GRIA1: variants seen among roughly 807,000 people sequenced by gnomAD.
The protein encoded by GRIA1 is glutamate receptor 1.
In GRIA1, 31 loss-of-function variants were observed where a neutral mutation model predicts 99.2. The ratio of observed to expected loss-of-function variants is 0.31; its 90% CI spans 0.23 to 0.42. The LOEUF (loss-of-function observed/expected upper bound fraction) is 0.42, where lower values mean the gene tolerates loss of function less well. GRIA1 is among the 10% of genes least tolerant of loss of function. The pLI is 1.00. For missense variants in GRIA1, 782 were observed against 1,157.5 expected (o/e 0.68, Z 4.71); for synonymous variants, 438 against 432.4 (o/e 1.01, Z -0.16).
intron 13 of GRIA1, among the ~76,000 whole-genome samples, chr5:153,776,052 C>T (rs2149628071): frequency 6.6e-6 from 1 of 152,140 alleles, no homozygotes; most frequent in East Asian, 1.9e-4. Flanking sequence ...GTAGGAGCCA[C>T]TGAAAGTCAT....
At chr5:153,741,447 T>G (rs940038032) in intron 11 of GRIA1, among the ~76,000 whole-genome samples, 1 of 152,216 alleles carries the variant, frequency 6.6e-6, no homozygotes, top group Non-Finnish European at 1.5e-5. Context: ...GAATATATAT[T>G]AGCACTCTCA....
chr5:153,614,569 C>G (rs888408322), intron 2 of GRIA1, among the ~76,000 whole-genome samples: 17 of 152,260 alleles, frequency 1.1e-4, no homozygotes, highest in African/African-American at 3.9e-4. Context: ...TGTTTGTAAC[C>G]CAGGCATTGA....
chr5:153,760,792 AAC>A lies in GRIA1; in HGVS notation c.1824-3641_1824-3640del, dbSNP rs539621107. ...TCAAAATAGTCTACAAAGCTATAGT[AAC>A]CAAAACAGGATGGTACTGGCATTAA... On this transcript the variant is annotated intron_variant, in intron 11 of 15. Coordinates refer to ENST00000285900, the MANE Select transcript of GRIA1 (RefSeq NM_000827.4). 5.3e-5 allele frequency among the ~76,000 whole-genome samples: 8 copies of A among 152,320 alleles called. No individual in the cohort carries two copies. In the East Asian group the frequency reaches 1.5e-3, roughly 29 times the overall value.
At chr5:153,489,834 C>T (rs1157717846), upstream of GRIA1, 1 of 456,508 alleles carries the variant, frequency 2.2e-6, no homozygotes, top group Non-Finnish European at 4.4e-6. Flanking sequence ...TGTAATTGCT[C>T]TGTGTAAGTA....
At chr5:153,543,913 G>A (rs1214363296) in intron 2 of GRIA1, among the ~76,000 whole-genome samples, 1 of 151,752 alleles carries the variant, frequency 6.6e-6, no homozygotes, top group Non-Finnish European at 1.5e-5. Context: ...AATGCCAGGT[G>A]AAATATATAG....
At chr5:153,563,489 TAGA>T (rs1761338378) in intron 2 of GRIA1, among the ~76,000 whole-genome samples, 1 of 152,214 alleles carries the variant, frequency 6.6e-6, no homozygotes, top group Admixed American at 6.5e-5. Context: ...GGATGGAAGA[TAGA>T]AGGAGGAACT....
At chr5:153,609,763 A>C (rs1994860) in intron 2 of GRIA1, among the ~76,000 whole-genome samples, 1 of 151,490 alleles carries the variant, frequency 6.6e-6, no homozygotes, top group Non-Finnish European at 1.5e-5. Context: ...AGGTTTCACC[A>C]TGTTAGCCAG....
At chr5:153,561,807 G>A (rs762224035) in intron 2 of GRIA1, among the ~76,000 whole-genome samples, 1 of 152,150 alleles carries the variant, frequency 6.6e-6, no homozygotes, top group Non-Finnish European at 1.5e-5. Flanking sequence ...TGGTTCAAAG[G>A]AGGGGGCAAT....
At chr5:153,504,279 A>G (rs1456099460) in intron 2 of GRIA1, among the ~76,000 whole-genome samples, 1 of 151,954 alleles carries the variant, frequency 6.6e-6, no homozygotes, top group Non-Finnish European at 1.5e-5. Context: ...GGATGCTATT[A>G]CCAAAAGAAT....
At chr5:153,780,858 C>T (rs1764583239) in intron 13 of GRIA1, among the ~76,000 whole-genome samples, 1 of 152,126 alleles carries the variant, frequency 6.6e-6, no homozygotes, top group Non-Finnish European at 1.5e-5. Flanking sequence ...TGGGCTACAC[C>T]ACACTACGAT....
intron 2 of GRIA1, among the ~76,000 whole-genome samples, chr5:153,609,752 G>A (rs537250754): frequency 2.0e-5 from 3 of 151,624 alleles, no homozygotes; most frequent in African/African-American, 7.3e-5. Flanking sequence ...TAGTAGAGAC[G>A]AGGTTTCACC....
intron 13 of GRIA1, among the ~76,000 whole-genome samples, chr5:153,787,354 T>A (rs1246854832): frequency 1.3e-5 from 2 of 152,170 alleles, no homozygotes; most frequent in Non-Finnish European, 2.9e-5. Flanking sequence ...GGATTCTTTT[T>A]GTTCTTTGGC....
chr5:153,579,896 C>CA (rs375002542), intron 2 of GRIA1, among the ~76,000 whole-genome samples: 11,083 of 145,226 alleles, frequency 0.076, 1,088 homozygotes, highest in African/African-American at 0.23. Context: ...AACAAACAAA[C>CA]AAAAAAAAAA....
chr5:153,605,085 G>T (rs1765329560), intron 2 of GRIA1, among the ~76,000 whole-genome samples: 1 of 152,008 alleles, frequency 6.6e-6, no homozygotes, highest in Non-Finnish European at 1.5e-5. Flanking sequence ...TACTAGGGAG[G>T]CTGAGACAGG....
At chr5:153,616,145 A>G (rs926625089) in intron 2 of GRIA1, among the ~76,000 whole-genome samples, 4 of 152,124 alleles carry the variant, frequency 2.6e-5, no homozygotes, top group African/African-American at 9.7e-5. Flanking sequence ...TCACTTCTGC[A>G]TATGCTGCTT....
chr5:153,794,133 C>A (rs1005108062), intron 13 of GRIA1, among the ~76,000 whole-genome samples: 1 of 152,126 alleles, frequency 6.6e-6, no homozygotes, highest in Non-Finnish European at 1.5e-5. Flanking sequence ...TTATATCTCT[C>A]TTTCTATGTC....
chr5:153,516,533 C>A (rs1317321478), intron 2 of GRIA1, among the ~76,000 whole-genome samples: 1 of 151,982 alleles, frequency 6.6e-6, no homozygotes, highest in Admixed American at 6.6e-5. Context: ...TGTAAAAATA[C>A]CTGGATTTGA....
chr5:153,777,404 C>A (rs1764326114), intron 13 of GRIA1, among the ~76,000 whole-genome samples: 1 of 152,172 alleles, frequency 6.6e-6, no homozygotes, highest in Non-Finnish European at 1.5e-5. Flanking sequence ...AGGCCCGTTA[C>A]CTTGCCAGAG....
chr5:153,598,697 A>T (rs1764629519), intron 2 of GRIA1, among the ~76,000 whole-genome samples: 1 of 152,120 alleles, frequency 6.6e-6, no homozygotes, highest in Non-Finnish European at 1.5e-5. Flanking sequence ...CCTTATAGCC[A>T]ATATTTATTG....
Sources: allele counts gnomAD v4.1 joint callset (sites outside exome capture counted in the v4.1 genomes callset), GRCh38; gene constraint gnomAD v4.1.1; transcripts MANE v1.5; gene names NCBI Gene and HGNC (gene_info 2026-07-23, HGNC 2026-07-21).